Variants in MAGI1 observed in about 807,000 individuals in gnomAD.
MAGI1 encodes membrane-associated guanylate kinase, WW and PDZ domain-containing protein 1.
MAGI1 carries 58 observed loss-of-function variants against 139.9 expected under a neutral mutation model. That is an observed-to-expected ratio of 0.41 (90% CI 0.34 to 0.52). MAGI1 has a LOEUF of 0.52. MAGI1 is among the 20% of genes least tolerant of loss of function. The pLI is 0.12. For synonymous variants in MAGI1, 812 were observed against 737.9 expected (o/e 1.10, Z -1.63); for missense variants, 1,874 against 1,901.6 (o/e 0.99, Z 0.27).
chr3:66,011,596 A>C (rs1387255068), intron 1 of MAGI1, among the ~76,000 whole-genome samples: 1 of 152,068 alleles, frequency 6.6e-6, no homozygotes, highest in East Asian at 1.9e-4. Flanking sequence ...ATCCTTGTTG[A>C]CTTGAGGGTA....
intron 1 of MAGI1, among the ~76,000 whole-genome samples, chr3:66,014,528 A>C (rs2067518188): frequency 6.6e-6 from 1 of 152,222 alleles, no homozygotes; most frequent in South Asian, 2.1e-4. Context: ...AACACATATA[A>C]GCCAACTTGA....
At chr3:65,533,409 T>TTAA in intron 2 of MAGI1, among the ~76,000 whole-genome samples, 2 of 152,316 alleles carry the variant, frequency 1.3e-5, no homozygotes, top group Middle Eastern at 6.8e-3. Flanking sequence ...TGCGTTGTGT[T>TTAA]TACTTAGGAA....
chr3:65,923,498 T>G (rs1358201453), intron 1 of MAGI1, among the ~76,000 whole-genome samples: 1 of 152,134 alleles, frequency 6.6e-6, no homozygotes, highest in African/African-American at 2.4e-5. Flanking sequence ...GTGCTGGGAT[T>G]ACAGGCATGA....
At chr3:65,441,567 G>C (rs1454983592) in intron 8 of MAGI1, among the ~76,000 whole-genome samples, 1 of 152,150 alleles carries the variant, frequency 6.6e-6, no homozygotes, top group African/African-American at 2.4e-5. Context: ...ACCCATAAAA[G>C]CTTTTGTCAT....
Position 65,920,663 on chromosome 3 carries a change from A to G in MAGI1, c.313+117333T>C, listed in dbSNP as rs72906950. ...TTTATTTAATTTCACATTTCAGAAG[A>G]AAATGAAAATTAAGATTAATTGAAT... is the stretch of plus-strand genomic sequence containing the variant. On this transcript the variant is annotated intron_variant, in intron 1 of 22. Coordinates refer to ENST00000402939, the MANE Select transcript of MAGI1 (RefSeq NM_001033057.2). 5.9e-3 allele frequency among the ~76,000 whole-genome samples: 906 copies of G among 152,372 alleles called. 5 individuals carry two copies. The highest frequency in any genetic ancestry group is 0.021 in the African/African-American group (857 of 41,598).
chr3:65,548,508 ACT>A lies in MAGI1; in HGVS notation c.431-54879_431-54878del, dbSNP rs1559659709. Among the ~76,000 whole-genome samples, 9 of 80,024 alleles carry A rather than the reference ACT, an allele frequency of 1.1e-4. 1 individual carries two copies. The highest frequency in any genetic ancestry group is 6.3e-4 in the Admixed American group (4 of 6,374). 52.5% of individuals were successfully genotyped at this position (80,024 alleles called of 152,430 possible). A position where few individuals can be genotyped will look rare whatever the true frequency, so the allele number is the denominator to read the frequency against. The stretch of plus-strand genomic sequence containing the variant: ...CTGAGCCCAGCTTTATGCAAACAAC[ACT>A]CTTTTTTTTTTTTTTTTTTTTTTTT... On this transcript the variant is annotated intron_variant, in intron 2 of 22. Coordinates refer to ENST00000402939, the MANE Select transcript of MAGI1 (RefSeq NM_001033057.2).
intron 1 of MAGI1, among the ~76,000 whole-genome samples, chr3:65,710,672 GA>G (rs1559809101): frequency 6.6e-6 from 1 of 152,150 alleles, no homozygotes; most frequent in Non-Finnish European, 1.5e-5. Context: ...AGACAATGCA[GA>G]TAGATACAGT....
At chr3:65,381,678 A>G (rs981379854) in intron 16 of MAGI1, among the ~76,000 whole-genome samples, 199 bp downstream of exon 16, 1 of 152,176 alleles carries the variant, frequency 6.6e-6, no homozygotes, top group Non-Finnish European at 1.5e-5. Context: ...GAACACATGC[A>G]AACGGCACAT....
chr3:65,996,342 C>T (rs1269052449), intron 1 of MAGI1, among the ~76,000 whole-genome samples: 1 of 152,152 alleles, frequency 6.6e-6, no homozygotes, highest in Non-Finnish European at 1.5e-5. Flanking sequence ...TTTTATACTG[C>T]ACCTAACCCT....
At chr3:65,630,815 T>G (rs993036762) in intron 1 of MAGI1, among the ~76,000 whole-genome samples, 1 of 152,144 alleles carries the variant, frequency 6.6e-6, no homozygotes, top group African/African-American at 2.4e-5. Context: ...ACTAAAGAAC[T>G]CATCCATGTA....
intron 1 of MAGI1, among the ~76,000 whole-genome samples, chr3:65,905,452 G>A (rs2061400028): frequency 6.7e-6 from 1 of 149,390 alleles, no homozygotes; most frequent in Non-Finnish European, 1.5e-5. Flanking sequence ...TGGGCATTGT[G>A]GTGTACACAC....
At chr3:65,901,922 AT>A (rs150172191) in intron 1 of MAGI1, among the ~76,000 whole-genome samples, 16,162 of 151,552 alleles carry the variant, frequency 0.11, 1,037 homozygotes, top group East Asian at 0.21. Context: ...AAAATTCATT[AT>A]TTTTTTTAAT....
At chr3:65,817,138 T>A (rs17073837) in intron 1 of MAGI1, among the ~76,000 whole-genome samples, 2,984 of 152,304 alleles carry the variant, frequency 0.02, 99 homozygotes, top group African/African-American at 0.067. Context: ...CGAGCTATTA[T>A]ACATTCCTTA....
chr3:65,622,243 G>C (rs772571350), intron 1 of MAGI1, among the ~76,000 whole-genome samples, 155 bp from the exon 2 acceptor site: 1 of 152,072 alleles, frequency 6.6e-6, no homozygotes, highest in African/African-American at 2.4e-5. Context: ...CCTCTGCAGG[G>C]GTAAAGTCAA....
chr3:65,908,104 A>C (rs2061509459), intron 1 of MAGI1, among the ~76,000 whole-genome samples: 1 of 152,238 alleles, frequency 6.6e-6, no homozygotes, highest in Non-Finnish European at 1.5e-5. Context: ...CATGCCCTGA[A>C]GGAAAAGTTC....
At chr3:65,500,360 G>A (rs1201109455) in intron 2 of MAGI1, among the ~76,000 whole-genome samples, 1 of 152,152 alleles carries the variant, frequency 6.6e-6, no homozygotes, top group African/African-American at 2.4e-5. Context: ...CCTAGTGAGT[G>A]TCTCAGAAAG....
intron 22 of MAGI1, among the ~76,000 whole-genome samples, chr3:65,357,533 AC>A (rs773511070): frequency 7.9e-4 from 56 of 71,050 alleles, no homozygotes; most frequent in Non-Finnish European, 1.4e-3. Flanking sequence ...CGTCTCCCAC[AC>A]CCAAGAAAAT....
chr3:65,695,672 T>C (rs1455429232), intron 1 of MAGI1, among the ~76,000 whole-genome samples: 1 of 152,146 alleles, frequency 6.6e-6, no homozygotes, highest in Admixed American at 6.6e-5. Context: ...AGACCTCTTT[T>C]AAGGAGAGAT....
At chr3:65,384,022 C>T (rs1343643144) in intron 14 of MAGI1, among the ~76,000 whole-genome samples, 2 of 152,214 alleles carry the variant, frequency 1.3e-5, no homozygotes, top group Non-Finnish European at 2.9e-5. Flanking sequence ...TCAGAGTCAC[C>T]TCTGAAGCCA....
Sources: gnomAD v4.1 joint callset for allele counts (sites outside exome capture counted in the v4.1 genomes callset) on GRCh38, gnomAD v4.1.1 for gene constraint, MANE v1.5 for transcripts, NCBI Gene and HGNC (gene_info 2026-07-23, HGNC 2026-07-21) for gene names.